TNFSF4: variants seen among roughly 807,000 people sequenced by gnomAD.
The protein encoded by TNFSF4 is TNF superfamily member 4.
TNFSF4 carries 4 observed loss-of-function variants against 7.3 expected under a neutral mutation model. The observed-to-expected ratio is 0.55, with a 90% CI of 0.27 to 1.25. The LOEUF (loss-of-function observed/expected upper bound fraction) is 1.25, where lower values mean the gene tolerates loss of function less well. Ranked by LOEUF, TNFSF4 falls within the 50% of genes most tolerant of loss-of-function variation. The probability of loss-of-function intolerance (pLI) is 0.12; values close to 1 mark genes in which losing one functional copy is unlikely to be tolerated. For synonymous variants in TNFSF4, 76 were observed against 83.7 expected (o/e 0.91, Z 0.50); for missense variants, 181 against 208.8 (o/e 0.87, Z 0.82).
At chr1:173,232,613 G>A in the TNFSF4 span, among the ~76,000 whole-genome samples, 2 of 152,222 alleles carry the variant, frequency 1.3e-5, no homozygotes, top group South Asian at 2.1e-4. Flanking sequence ...GTTTGCCATA[G>A]ATAGCTATTA....
chr1:173,332,813 T>C, the TNFSF4 span, among the ~76,000 whole-genome samples: 3 of 152,116 alleles, frequency 2.0e-5, no homozygotes, highest in Non-Finnish European at 4.4e-5. Context: ...GCCACTGCAC[T>C]CCAGCCTGGG....
chr1:173,283,881 T>A, the TNFSF4 span, among the ~76,000 whole-genome samples: 3 of 147,034 alleles, frequency 2.0e-5, no homozygotes, highest in South Asian at 6.4e-4. Context: ...GTCAAAAGGT[T>A]GAAAGTTAGG....
the TNFSF4 span, among the ~76,000 whole-genome samples, chr1:173,379,341 GC>G: frequency 1.3e-5 from 2 of 149,646 alleles, no homozygotes; most frequent in African/African-American, 4.9e-5. Flanking sequence ...TTAGGAAATA[GC>G]CCAGGTACAT....
At chr1:173,289,692 T>C in the TNFSF4 span, among the ~76,000 whole-genome samples, 1 of 151,964 alleles carries the variant, frequency 6.6e-6, no homozygotes, top group African/African-American at 2.4e-5. Flanking sequence ...AAATAGACGA[T>C]TAAAAGAATT....
chr1:173,255,181 AG>A, the TNFSF4 span, among the ~76,000 whole-genome samples: 1 of 152,192 alleles, frequency 6.6e-6, no homozygotes, highest in Non-Finnish European at 1.5e-5. Flanking sequence ...AGGGTCAAAA[AG>A]AATGTGTGTA....
the TNFSF4 span, chr1:173,418,396 T>C: frequency 6.6e-6 from 1 of 152,088 alleles, no homozygotes; most frequent in Non-Finnish European, 1.5e-5. Context: ...TCTTATTACA[T>C]CCCGGAAACC....
chr1:173,365,457 T>C, the TNFSF4 span, among the ~76,000 whole-genome samples: 1 of 152,206 alleles, frequency 6.6e-6, no homozygotes, highest in Non-Finnish European at 1.5e-5. Context: ...TGTCCTATAA[T>C]GAGGGGAAAT....
chr1:173,302,908 C>T, the TNFSF4 span, among the ~76,000 whole-genome samples: 7,680 of 151,854 alleles, frequency 0.051, 551 homozygotes, highest in African/African-American at 0.16. Context: ...TGTGATTAAA[C>T]CCTGACATCA....
the TNFSF4 span, among the ~76,000 whole-genome samples, chr1:173,395,075 A>ATAGCTAGC: frequency 4.3e-4 from 65 of 150,312 alleles, no homozygotes; most frequent in Admixed American, 7.3e-4. Context: ...AGATAGATAG[A>ATAGCTAGC]TAGCTATAAA....
At chr1:173,197,741 A>C (rs1242421454) in intron 1 of TNFSF4, among the ~76,000 whole-genome samples, 1 of 152,208 alleles carries the variant, frequency 6.6e-6, no homozygotes, top group African/African-American at 2.4e-5. Context: ...CTTAACACCT[A>C]GGTGATGGTT....
chr1:173,439,922 A>G, the TNFSF4 span, among the ~76,000 whole-genome samples: 1 of 152,246 alleles, frequency 6.6e-6, no homozygotes, highest in African/African-American at 2.4e-5. Context: ...AACGTGGTTA[A>G]CAAGAAATGT....
chr1:173,219,123 T>C, the TNFSF4 span, among the ~76,000 whole-genome samples: 1 of 152,246 alleles, frequency 6.6e-6, no homozygotes, highest in Non-Finnish European at 1.5e-5. Context: ...TACTTTGTTT[T>C]AAGGCTGTAG....
the TNFSF4 span, among the ~76,000 whole-genome samples, chr1:173,312,597 A>G: frequency 1.3e-5 from 2 of 152,116 alleles, no homozygotes; most frequent in African/African-American, 4.8e-5. Flanking sequence ...GAGGAAGCCA[A>G]ATAGATTTCC....
At chr1:173,189,449 G>T (rs1649379714) in intron 1 of TNFSF4, among the ~76,000 whole-genome samples, 1 of 152,134 alleles carries the variant, frequency 6.6e-6, no homozygotes, top group Non-Finnish European at 1.5e-5. Context: ...AATATATTTG[G>T]TGTAGCTTTT....
At chr1:173,198,958 A>C (rs941596905) in intron 1 of TNFSF4, among the ~76,000 whole-genome samples, 3 of 152,174 alleles carry the variant, frequency 2.0e-5, no homozygotes, top group African/African-American at 7.2e-5. Context: ...CCTTCCTGTT[A>C]ATTAATGGCA....
chr1:173,186,878 G>C lies in TNFSF4; in HGVS notation c.203-13C>G. 1 of 1,537,594 alleles carries C rather than the reference G, an allele frequency of 6.5e-7. No individual in the cohort carries two copies. Among genetic ancestry groups the C allele is most frequent in the South Asian group, 1.3e-5 (1 of 79,602 alleles). The stretch of plus-strand genomic sequence containing the variant: ...TCCTTCTTATATTCTAGGGAGGATA[G>C]GGGAAAATTTGTTTAATTAATTCCT... On this transcript the variant is annotated splice_polypyrimidine_tract_variant and intron_variant, in intron 2 of 2. Transcript: ENST00000281834.
downstream of TNFSF4, among the ~76,000 whole-genome samples, chr1:173,183,210 A>G (rs1454890857): frequency 6.9e-6 from 1 of 145,638 alleles, no homozygotes; most frequent in Non-Finnish European, 1.5e-5. Context: ...AGGAGGGGTG[A>G]TGAAGACTAA....
At chr1:173,422,326 G>T in the TNFSF4 span, among the ~76,000 whole-genome samples, 1 of 89,056 alleles carries the variant, frequency 1.1e-5, no homozygotes, top group East Asian at 3.5e-4. Flanking sequence ...TGCCCAGAGT[G>T]AAAAAAAAAA....
At chr1:173,327,005 T>TG in the TNFSF4 span, among the ~76,000 whole-genome samples, 2 of 151,946 alleles carry the variant, frequency 1.3e-5, no homozygotes, top group Admixed American at 6.6e-5. Context: ...TTCACAGAAT[T>TG]GAAAAAACTA....
Sources: gnomAD v4.1 joint callset for allele counts (sites outside exome capture counted in the v4.1 genomes callset) on GRCh38, gnomAD v4.1.1 for gene constraint, MANE v1.5 for transcripts, NCBI Gene and HGNC (gene_info 2026-07-23, HGNC 2026-07-21) for gene names.